The following KAT6B variants were observed in gnomAD, a reference collection of about 807,000 sequenced individuals.
The protein encoded by KAT6B is lysine acetyltransferase 6B, also known as histone acetyltransferase KAT6B.
In KAT6B, 10 loss-of-function variants were observed where a neutral mutation model predicts 187.5. That is an observed-to-expected ratio of 0.05 (90% CI 0.03 to 0.09). The LOEUF is 0.09. Ranked by LOEUF, KAT6B falls within the 10% of genes least tolerant of loss-of-function variation. KAT6B has a pLI of 1.00. For synonymous variants in KAT6B, 861 were observed against 926.8 expected (o/e 0.93, Z 1.29); for missense variants, 1,952 against 2,558.9 (o/e 0.76, Z 5.12).
At position 75,002,497 on chromosome 10, in the gene KAT6B, A is replaced by G. The variant is rs925005156; in HGVS notation, c.2629+13385A>G. Among the ~76,000 whole-genome samples the G allele has an allele frequency of 2.6e-5, 4 of 152,142 alleles. No individual in the cohort carries two copies. In the South Asian group the frequency reaches 8.3e-4, roughly 31 times the overall value. ...AACTGAGATTCATTTTGAGAAATGC[A>G]CCATTAGGCAACTTCATTGTCGTGT... On this transcript the variant is annotated intron_variant, in intron 13 of 17. Coordinates refer to ENST00000287239, the MANE Select transcript of KAT6B (RefSeq NM_012330.4).
chr10:74,853,543 C>T (rs896953297), intron 3 of KAT6B, among the ~76,000 whole-genome samples: 3 of 151,952 alleles, frequency 2.0e-5, no homozygotes, highest in African/African-American at 7.3e-5. Context: ...GTTCACACAC[C>T]TCGGCCTCCC....
intron 1 of KAT6B, among the ~76,000 whole-genome samples, chr10:74,828,470 T>A (rs11001174): frequency 0.039 from 5,337 of 137,708 alleles, 184 homozygotes; most frequent in East Asian, 0.13. Flanking sequence ...TTTTTTTTTT[T>A]AAAGTGCATT....
intron 3 of KAT6B, among the ~76,000 whole-genome samples, chr10:74,903,278 G>A (rs1846528233): frequency 6.6e-6 from 1 of 152,122 alleles, no homozygotes; most frequent in Non-Finnish European, 1.5e-5. Context: ...TTGAGTATAG[G>A]TGGAACCTAT....
chr10:74,922,544 A>G (rs879933229), intron 3 of KAT6B, among the ~76,000 whole-genome samples: 2 of 152,222 alleles, frequency 1.3e-5, no homozygotes, highest in Non-Finnish European at 2.9e-5. Context: ...AGGACCCAGC[A>G]GATAATTGGG....
Position 75,028,996 on chromosome 10 carries a change from A to T in KAT6B, c.4172A>T (p.Glu1391Val), listed in dbSNP as rs769591279. The change falls in exon 18 of 18, where the codon GAG (glutamate) becomes GTG (valine). Residue 1391 changes from glutamate (E) to valine (V), a missense_variant. Physicochemically the swap from Glu to Val is moderately radical, Grantham distance 121. Transcript: ENST00000287239. ...GATGGTGCTAAAAGCCAAGAAAAAG[A>T]GGAACCAGAAATCTCCACGGAAAAA... ...DPDGAKSQEK[E>V]EPEISTEKED... 1.9e-6 allele frequency: 3 copies of T among 1,613,984 alleles called. No homozygotes were observed. The African/African-American group carries it at 4.0e-5, about 22-fold the overall frequency.
intron 3 of KAT6B, among the ~76,000 whole-genome samples, chr10:74,934,980 C>T (rs1849137555): frequency 6.6e-6 from 1 of 152,212 alleles, no homozygotes; most frequent in Non-Finnish European, 1.5e-5. Flanking sequence ...TAGAGATCCA[C>T]ACAGGGGTGA....
At chr10:74,833,012 G>A (rs1249577596) in intron 1 of KAT6B, among the ~76,000 whole-genome samples, 5 of 151,444 alleles carry the variant, frequency 3.3e-5, no homozygotes, top group African/African-American at 1.2e-4. Flanking sequence ...GCATGTGCCT[G>A]TAATCCCAGC....
Position 74,969,670 on chromosome 10 carries a change from C to T in KAT6B, c.741C>T (p.Ser247=), listed in dbSNP as rs748383369. ...TTTTTATTCTCATAGGACACCCATCCTGTTTGAAATTTTGTCCTGAATTAA... is the reference window on the plus strand; with the variant it reads ...TTTTTATTCTCATAGGACACCCATCTTGTTTGAAATTTTGTCCTGAATTAA... The part of the protein sequence containing the change: ...CADCGSSGHP[S]CLKFCPELTT... The change falls in exon 5 of 18, where the codon TCC becomes TCT. Residue 247 remains serine (S), a synonymous_variant. Coordinates refer to ENST00000287239, the MANE Select transcript of KAT6B (RefSeq NM_012330.4). The T allele has an allele frequency of 1.2e-6, 2 of 1,610,662 alleles. No individual in the cohort carries two copies. Among genetic ancestry groups the T allele is most frequent in the Admixed American group, 1.7e-5 (1 of 60,008 alleles).
At position 75,021,923 on chromosome 10, in the gene KAT6B, G is replaced by A; in HGVS notation, c.3064G>A (p.Glu1022Lys). Residue 1022 changes from glutamate (E) to lysine (K), a missense_variant, in exon 16 of 18, where the codon GAA (glutamate) becomes AAA (lysine). Glu to Lys is a moderately conservative substitution (Grantham distance 56, BLOSUM62 1). Around this residue, in one of 9 missense-constraint regions of KAT6B, gnomAD observed 758 missense variants for 891.4 expected, o/e 0.85. Transcript: ENST00000287239. The stretch of plus-strand genomic sequence containing the variant: ...ACAAGCTAGCTGCTGGGAGAAGGAG[G>A]AACAAGAAATCCTGTCAACTAGAGC... ...MEQASCWEKE[E>K]QEILSTRANS... 1 of 1,614,146 alleles carries A rather than the reference G, an allele frequency of 6.2e-7. No individual in the cohort carries two copies. Among genetic ancestry groups the A allele is most frequent in the South Asian group, 1.1e-5 (1 of 91,078 alleles).
intron 3 of KAT6B, among the ~76,000 whole-genome samples, chr10:74,886,355 G>A (rs1390833746): frequency 6.6e-6 from 1 of 152,200 alleles, no homozygotes; most frequent in African/African-American, 2.4e-5. Context: ...TTGGGAAGCT[G>A]GAGGCAGGGA....
chr10:74,976,658 C>T (rs1397032378), intron 8 of KAT6B: 2 of 400,718 alleles, frequency 5.0e-6, no homozygotes, highest in African/African-American at 2.1e-5. Flanking sequence ...TTCTGCCATG[C>T]TCTCCCCCAT....
At chr10:74,835,305 G>A (rs1264425539) in intron 1 of KAT6B, among the ~76,000 whole-genome samples, 3 of 152,182 alleles carry the variant, frequency 2.0e-5, no homozygotes, top group Non-Finnish European at 4.4e-5. Flanking sequence ...TCCAAGAGAT[G>A]TTCATCCATC....
intron 3 of KAT6B, among the ~76,000 whole-genome samples, chr10:74,869,632 C>T (rs537092336): frequency 6.6e-6 from 1 of 152,300 alleles, no homozygotes; most frequent in East Asian, 1.9e-4. Context: ...TTTGAATTTC[C>T]CAATCTCAAC....
At chr10:74,906,415 T>TC (rs532695719) in intron 3 of KAT6B, among the ~76,000 whole-genome samples, 217 of 152,240 alleles carry the variant, frequency 1.4e-3, no homozygotes, top group African/African-American at 5.1e-3. Context: ...ATCTTTTTTT[T>TC]CCCTTTTTAT....
intron 1 of KAT6B, among the ~76,000 whole-genome samples, chr10:74,829,928 G>A (rs1589427698): frequency 6.7e-6 from 1 of 149,634 alleles, no homozygotes; most frequent in South Asian, 2.1e-4. Context: ...TGAGGCAGGC[G>A]AATCACTTGA....
chr10:74,967,439 T>G (rs1211600577), intron 4 of KAT6B, among the ~76,000 whole-genome samples: 2 of 152,248 alleles, frequency 1.3e-5, no homozygotes, highest in Admixed American at 1.3e-4. Flanking sequence ...TTTATCTAAT[T>G]ACTATAGATT....
intron 3 of KAT6B, among the ~76,000 whole-genome samples, chr10:74,922,737 C>T (rs1848225854): frequency 6.6e-6 from 1 of 152,160 alleles, no homozygotes; most frequent in Non-Finnish European, 1.5e-5. Flanking sequence ...GTTTTACATC[C>T]TAAAGGTATT....
chr10:75,015,563 C>T (rs936687126), intron 13 of KAT6B, among the ~76,000 whole-genome samples: 3 of 152,162 alleles, frequency 2.0e-5, no homozygotes, highest in Non-Finnish European at 4.4e-5. Flanking sequence ...AACAGATGAG[C>T]GTACAAACCA....
chr10:74,946,391 C>G (rs988013941), intron 3 of KAT6B, among the ~76,000 whole-genome samples: 2 of 151,950 alleles, frequency 1.3e-5, no homozygotes, highest in African/African-American at 4.8e-5. Flanking sequence ...TGTTCCACTC[C>G]TAGGTATTTA....
Sources: allele counts gnomAD v4.1 joint callset (sites outside exome capture counted in the v4.1 genomes callset), GRCh38; gene constraint gnomAD v4.1.1; regional missense constraint gnomAD v4.1.1; transcripts MANE v1.5; gene names NCBI Gene and HGNC (gene_info 2026-07-23, HGNC 2026-07-21).